Variants in DMD observed in about 807,000 individuals in gnomAD.
DMD encodes dystrophin.
In DMD, 63 loss-of-function variants were observed where a neutral mutation model predicts 330.1. The observed-to-expected ratio is 0.19, with a 90% CI of 0.16 to 0.24. DMD has a LOEUF of 0.24. Ranked by LOEUF, DMD falls within the 10% of genes least tolerant of loss-of-function variation. The pLI is 1.00. For missense variants in DMD, 3,344 were observed against 2,684.1 expected (o/e 1.25, Z -5.43); for synonymous variants, 1,223 against 959.8 (o/e 1.27, Z -5.07).
At chrX:32,821,911 A>G (rs1191683818) in intron 5 of DMD, among the ~76,000 whole-genome samples, 1 of 110,674 alleles carries the variant, frequency 9.0e-6, no homozygotes, top group Admixed American at 9.6e-5. Context: ...TATCCTGCAA[A>G]TTTTAATGAA....
At chrX:32,598,355 T>G (rs2055812105) in intron 12 of DMD, among the ~76,000 whole-genome samples, 1 of 111,664 alleles carries the variant, frequency 9.0e-6, no homozygotes, top group South Asian at 3.7e-4. Context: ...ACAGTCATGT[T>G]GAGTCTGTGT....
chrX:31,223,239 A>G, intron 63 of DMD, 118 bp from the exon 64 acceptor site: 1 of 639,350 alleles, frequency 1.6e-6, no homozygotes. Context: ...CCTAGAAAAC[A>G]TATAGTGTGT....
intron 11 of DMD, among the ~76,000 whole-genome samples, chrX:32,629,354 G>A (rs12558041): frequency 9.1e-6 from 1 of 110,382 alleles, no homozygotes; most frequent in Non-Finnish European, 1.9e-5. Context: ...TTTTGGTTTC[G>A]ATTGGCATGG....
At chrX:31,642,954 T>C (rs2079860430) in intron 54 of DMD, among the ~76,000 whole-genome samples, 1 of 112,143 alleles carries the variant, frequency 8.9e-6, no homozygotes, top group Non-Finnish European at 1.9e-5. Flanking sequence ...GTATATCAAA[T>C]TGTTGAATTA....
chrX:33,334,942 C>A (rs2054229892), intron 1 of DMD, among the ~76,000 whole-genome samples: 1 of 111,491 alleles, frequency 9.0e-6, no homozygotes, highest in Non-Finnish European at 1.9e-5. Flanking sequence ...GTAATCAATT[C>A]TCTGCTCACA....
At chrX:32,615,835 C>T (rs1228757056) in intron 11 of DMD, among the ~76,000 whole-genome samples, 3 of 111,810 alleles carry the variant, frequency 2.7e-5, no homozygotes, top group Non-Finnish European at 5.7e-5. Flanking sequence ...TGGAACATCT[C>T]TTACAATTAA....
chrX:32,209,291 A>G (rs2097084314), intron 44 of DMD, among the ~76,000 whole-genome samples: 1 of 111,260 alleles, frequency 9.0e-6, no homozygotes, highest in Non-Finnish European at 1.9e-5. Context: ...CAAAAGGCAT[A>G]TCTGTGAATA....
At chrX:31,896,564 T>A (rs187297944) in intron 47 of DMD, among the ~76,000 whole-genome samples, 2 of 112,022 alleles carry the variant, frequency 1.8e-5, no homozygotes, top group East Asian at 5.6e-4. Flanking sequence ...ATTTTATATT[T>A]GTCCTGTTAT....
intron 44 of DMD, among the ~76,000 whole-genome samples, chrX:32,045,602 G>A (rs1237887606): frequency 6.3e-5 from 7 of 110,525 alleles, no homozygotes; most frequent in Admixed American, 1.9e-4. Flanking sequence ...CACCCTCCCC[G>A]TCTGTCCTTG....
At chrX:31,319,308 G>GA (rs1254053150) in intron 62 of DMD, among the ~76,000 whole-genome samples, 1 of 112,186 alleles carries the variant, frequency 8.9e-6, no homozygotes, top group Non-Finnish European at 1.9e-5. Flanking sequence ...CTGGGAAGAT[G>GA]AAAATGAAAA....
chrX:32,630,994 T>A (rs930033891), intron 11 of DMD, among the ~76,000 whole-genome samples: 2 of 111,519 alleles, frequency 1.8e-5, no homozygotes, highest in African/African-American at 6.5e-5. Flanking sequence ...TATTTAAAGG[T>A]TCTTGGGTGT....
intron 11 of DMD, among the ~76,000 whole-genome samples, chrX:32,630,645 T>C (rs961043675): frequency 8.9e-6 from 1 of 111,780 alleles, no homozygotes; most frequent in African/African-American, 3.3e-5. Flanking sequence ...GTCAGTTAAA[T>C]CTTTCAACTC....
intron 62 of DMD, among the ~76,000 whole-genome samples, chrX:31,272,900 T>C (rs1005498627): frequency 1.8e-5 from 2 of 112,436 alleles, no homozygotes; most frequent in Non-Finnish European, 3.8e-5. Flanking sequence ...ACAGTTTTTC[T>C]TTCTACCTGA....
Position 31,968,498 on chromosome X carries a change from A to G in DMD, c.6455T>C (p.Ile2152Thr), listed in dbSNP as rs767681834. The change falls in exon 45 of 79, where the codon ATT becomes ACT. Residue 2152 changes from isoleucine (I) to threonine (T), a missense_variant. Ile to Thr is a moderately conservative substitution (Grantham distance 89). Transcript: ENST00000357033. ...TCTGACAACAGTTTGCCGCTGCCCA[A>G]TGCCATCCTGGAGTTCCTGTAAGAT... Reference protein sequence around the residue: ...KWYLKELQDGIGQRQTVVRTL... With the variant: ...KWYLKELQDGTGQRQTVVRTL... 2.5e-6 allele frequency: 3 copies of G among 1,208,813 alleles called. No homozygotes were observed. The highest frequency in any genetic ancestry group is 1.8e-5 in the South Asian group (1 of 56,843).
chrX:32,885,126 G>A (rs2084393401), intron 2 of DMD, among the ~76,000 whole-genome samples: 1 of 111,720 alleles, frequency 9.0e-6, no homozygotes. Flanking sequence ...TCTGTTCAGA[G>A]TCATAGGCCC....
At chrX:31,444,690 C>T (rs2065161738) in intron 59 of DMD, 63 bp from the exon 60 acceptor site, 2 of 1,139,791 alleles carry the variant, frequency 1.8e-6, no homozygotes, top group South Asian at 1.8e-5. Context: ...AGAACTGATA[C>T]CTGGGCTTAT....
intron 55 of DMD, among the ~76,000 whole-genome samples, chrX:31,594,816 T>C (rs956905982): frequency 2.7e-5 from 3 of 111,308 alleles, no homozygotes; most frequent in African/African-American, 9.8e-5. Flanking sequence ...CTTTAATGGT[T>C]TACACATTGA....
intron 44 of DMD, among the ~76,000 whole-genome samples, chrX:32,070,521 A>C (rs1311448728): frequency 9.0e-6 from 1 of 110,983 alleles, no homozygotes; most frequent in Non-Finnish European, 1.9e-5. Flanking sequence ...TGCTATAAAC[A>C]TGTGTGTGCA....
chrX:31,787,469 T>C (rs774102606), intron 50 of DMD, among the ~76,000 whole-genome samples: 1 of 112,569 alleles, frequency 8.9e-6, no homozygotes, highest in East Asian at 2.8e-4. Context: ...AGAGGATTGT[T>C]GGCATATTTA....
Sources: gnomAD v4.1 joint callset for allele counts (sites outside exome capture counted in the v4.1 genomes callset) on GRCh38, gnomAD v4.1.1 for gene constraint, MANE v1.5 for transcripts, NCBI Gene and HGNC (gene_info 2026-07-23, HGNC 2026-07-21) for gene names.